The following FAM135B variants were observed in gnomAD, a reference collection of about 807,000 sequenced individuals.
FAM135B encodes protein FAM135B.
A neutral mutation model predicts 127.7 loss-of-function variants in FAM135B; 43 were observed. The ratio of observed to expected loss-of-function variants is 0.34; its 90% CI spans 0.26 to 0.43. The LOEUF (loss-of-function observed/expected upper bound fraction) is 0.43, where lower values mean the gene tolerates loss of function less well. Among genes scored for constraint, FAM135B ranks in the 20% least tolerant of loss-of-function variants. The pLI, the probability that FAM135B is intolerant of heterozygous loss-of-function variation, is 1.00. For missense variants in FAM135B, 1,558 were observed against 1,725.6 expected (o/e 0.90, Z 1.72); for synonymous variants, 670 against 665.1 (o/e 1.01, Z -0.11).
At position 138,149,908 on chromosome 8, in the gene FAM135B, C is replaced by G. The variant is rs556294130; in HGVS notation, c.3282-1222G>C. Among the ~76,000 whole-genome samples, 11 of 152,302 alleles carry G rather than the reference C, an allele frequency of 7.2e-5. No homozygotes were observed. The South Asian group carries it at 8.3e-4, about 11-fold the overall frequency. Reference sequence around the variant, plus strand: ...ACAATAAAAGCAAGGGAAACCCTGACCAGGCAGGCACTGGACAGCATCTAC... The same window carrying G: ...ACAATAAAAGCAAGGGAAACCCTGAGCAGGCAGGCACTGGACAGCATCTAC... On this transcript the variant is annotated intron_variant, in intron 13 of 19. Coordinates refer to ENST00000395297, the MANE Select transcript of FAM135B (RefSeq NM_015912.4).
Position 138,197,610 on chromosome 8 carries a change from G to A in FAM135B, c.729C>T (p.Asp243=), listed in dbSNP as rs1400659684. The part of the protein sequence containing the change: ...CMQHAHKWHR[D]LCLLLLHAYR... ...AAGCGTGGAGGAGCAACAGGCACAGGTCTCGGTGCCACTTGTGTGCGTGCT... is the reference window on the plus strand; with the variant it reads ...AAGCGTGGAGGAGCAACAGGCACAGATCTCGGTGCCACTTGTGTGCGTGCT... Residue 243 remains aspartate, a synonymous_variant, in exon 8 of 20, where the codon GAC becomes GAT. Coordinates refer to ENST00000395297, the MANE Select transcript of FAM135B (RefSeq NM_015912.4). The A allele has an allele frequency of 6.2e-7, 1 of 1,614,182 alleles. No homozygotes were observed. Among genetic ancestry groups the A allele is most frequent in the Non-Finnish European group, 8.5e-7 (1 of 1,180,016 alleles).
At chr8:138,422,432 A>G (rs1834567865) in intron 1 of FAM135B, among the ~76,000 whole-genome samples, 1 of 152,162 alleles carries the variant, frequency 6.6e-6, no homozygotes, top group Non-Finnish European at 1.5e-5. Flanking sequence ...CAAAAGACAA[A>G]TAACCCCATT....
At chr8:138,171,397 C>T (rs796185282) in intron 11 of FAM135B, among the ~76,000 whole-genome samples, 5 of 152,264 alleles carry the variant, frequency 3.3e-5, no homozygotes, top group African/African-American at 1.2e-4. Context: ...GTTGTGATGT[C>T]CACTTACCCT....
At chr8:138,360,695 G>C (rs969106392) in intron 2 of FAM135B, among the ~76,000 whole-genome samples, 2 of 152,154 alleles carry the variant, frequency 1.3e-5, no homozygotes, top group Non-Finnish European at 2.9e-5. Flanking sequence ...CTGACACCTC[G>C]GTCCCACTGT....
chr8:138,189,958 C>G (rs147230192), intron 9 of FAM135B, among the ~76,000 whole-genome samples: 1 of 152,190 alleles, frequency 6.6e-6, no homozygotes, highest in South Asian at 2.1e-4. Flanking sequence ...ATACCTTGTT[C>G]TGCATATAGC....
At chr8:138,181,514 G>A (rs1815033640) in intron 9 of FAM135B, among the ~76,000 whole-genome samples, 1 of 152,018 alleles carries the variant, frequency 6.6e-6, no homozygotes, top group Admixed American at 6.6e-5. Context: ...CCAACCTGCT[G>A]GCAGTGGGCT....
At chr8:138,255,893 A>G (rs1822046808) in intron 5 of FAM135B, among the ~76,000 whole-genome samples, 1 of 152,164 alleles carries the variant, frequency 6.6e-6, no homozygotes, top group South Asian at 2.1e-4. Flanking sequence ...CTGACCCTGC[A>G]AAGCCTGCAA....
intron 2 of FAM135B, among the ~76,000 whole-genome samples, chr8:138,366,646 T>C (rs1830757994): frequency 1.3e-5 from 2 of 152,186 alleles, no homozygotes; most frequent in Admixed American, 6.5e-5. Flanking sequence ...TCAGCCTCAC[T>C]GAATTTCATC....
At chr8:138,222,951 T>C (rs1819146897) in intron 7 of FAM135B, among the ~76,000 whole-genome samples, 1 of 152,146 alleles carries the variant, frequency 6.6e-6, no homozygotes, top group African/African-American at 2.4e-5. Flanking sequence ...GGACAAGGCT[T>C]GGCTGTGTAG....
chr8:138,404,267 T>C (rs890121234), intron 1 of FAM135B, among the ~76,000 whole-genome samples: 5 of 152,238 alleles, frequency 3.3e-5, no homozygotes, highest in Non-Finnish European at 5.9e-5. Flanking sequence ...AATGCCATTA[T>C]GTTTAATTAA....
chr8:138,418,731 T>C (rs1324999417), intron 1 of FAM135B, among the ~76,000 whole-genome samples: 2 of 152,140 alleles, frequency 1.3e-5, no homozygotes, highest in East Asian at 3.9e-4. Context: ...AAAATCCTTT[T>C]CAGACCAGCA....
intron 6 of FAM135B, among the ~76,000 whole-genome samples, chr8:138,245,886 C>T (rs760655976): frequency 2.6e-4 from 39 of 150,326 alleles, no homozygotes; most frequent in Admixed American, 2.2e-3. Flanking sequence ...TTTCTAGAGA[C>T]GTGTTGAATG....
chr8:138,132,705 A>G lies in FAM135B; in HGVS notation c.4109T>C (p.Leu1370Pro). ...GATCAGGGTGTTGGCAGTGTTGGGC[A>G]GGGCGTGGAACACGTTGTGTCGGAT... ...TLIRHNVFHALPNTANTLIGR... is the reference protein window; with the variant it reads ...TLIRHNVFHAPPNTANTLIGR... The change falls in exon 20 of 20, where the codon CTG (leucine) becomes CCG (proline). Residue 1370 changes from leucine (L) to proline (P), a missense_variant. Physicochemically the swap from Leu to Pro is moderately conservative, Grantham distance 98. Around this residue, in one of 5 missense-constraint regions of FAM135B, gnomAD observed 194 missense variants for 333.8 expected, o/e 0.58. Coordinates refer to ENST00000395297, the MANE Select transcript of FAM135B (RefSeq NM_015912.4). This position sits in a 1 kb window ranked among gnomAD's most constrained non-coding sequence, Gnocchi z 4.5. 6.2e-7 allele frequency: 1 copy of G among 1,614,208 alleles called. No individual in the cohort carries two copies. Among genetic ancestry groups the G allele is most frequent in the Non-Finnish European group, 8.5e-7 (1 of 1,180,028 alleles).
intron 1 of FAM135B, among the ~76,000 whole-genome samples, chr8:138,482,603 T>C (rs1814827027): frequency 6.6e-6 from 1 of 152,144 alleles, no homozygotes. Context: ...CTTCCTAGTG[T>C]TTATATATAG....
At chr8:138,193,678 A>G (rs1444747334) in intron 9 of FAM135B, among the ~76,000 whole-genome samples, 1 of 152,202 alleles carries the variant, frequency 6.6e-6, no homozygotes, top group Non-Finnish European at 1.5e-5. Context: ...ATGGAGCCTG[A>G]GGCAGCCCGA....
intron 1 of FAM135B, among the ~76,000 whole-genome samples, chr8:138,463,382 G>C (rs1487801077): frequency 6.6e-6 from 1 of 152,166 alleles, no homozygotes; most frequent in African/African-American, 2.4e-5. Context: ...AGGAACTCAA[G>C]AAGGGTGGGA....
chr8:138,235,175 A>T (rs552802270), intron 7 of FAM135B, among the ~76,000 whole-genome samples: 1 of 152,254 alleles, frequency 6.6e-6, no homozygotes, highest in East Asian at 1.9e-4. Flanking sequence ...AGAAGATGTA[A>T]GTCTCTATCT....
intron 1 of FAM135B, among the ~76,000 whole-genome samples, chr8:138,423,524 T>C (rs1481004103): frequency 6.6e-6 from 1 of 152,102 alleles, no homozygotes; most frequent in African/African-American, 2.4e-5. Context: ...AAGTTTTTAT[T>C]AGTGATTTTC....
intron 1 of FAM135B, among the ~76,000 whole-genome samples, chr8:138,471,692 T>G (rs1427542806): frequency 6.6e-6 from 1 of 152,082 alleles, no homozygotes; most frequent in Non-Finnish European, 1.5e-5. Flanking sequence ...AATTTAAAAG[T>G]GAGAAACCTA....
Sources: allele counts gnomAD v4.1 joint callset (sites outside exome capture counted in the v4.1 genomes callset), GRCh38; gene constraint gnomAD v4.1.1; regional missense constraint gnomAD v4.1.1; non-coding constraint Gnocchi (gnomAD v3.1); transcripts MANE v1.5; gene names NCBI Gene and HGNC (gene_info 2026-07-23, HGNC 2026-07-21).